Variants in KCNQ1 observed in about 807,000 individuals in gnomAD.
The protein encoded by KCNQ1 is potassium voltage-gated channel subfamily KQT member 1.
Under a neutral mutation model 72.4 loss-of-function variants are expected in KCNQ1, and 49 were observed. That is an observed-to-expected ratio of 0.68 (90% confidence interval 0.54 to 0.86). KCNQ1 has a LOEUF of 0.86. KCNQ1 is among the 40% of genes least tolerant of loss of function. KCNQ1 has a pLI of 0.00. For synonymous variants in KCNQ1, 450 were observed against 412.6 expected (o/e 1.09, Z -1.10); for missense variants, 790 against 945.1 (o/e 0.84, Z 2.15).
chr11:2,551,883 C>T (rs2133694783), intron 2 of KCNQ1, among the ~76,000 whole-genome samples: 1 of 152,358 alleles, frequency 6.6e-6, no homozygotes, highest in East Asian at 1.9e-4. Context: ...TCATATATCT[C>T]CTTTGATGGA....
At chr11:2,638,517 G>T (rs1317892639) in intron 10 of KCNQ1, 1 of 152,120 alleles carries the variant, frequency 6.6e-6, no homozygotes, top group Admixed American at 6.6e-5. Flanking sequence ...CTCTCTTCTG[G>T]CTTGTAGAGT....
At chr11:2,596,520 A>G (rs1848735029) in intron 10 of KCNQ1, among the ~76,000 whole-genome samples, 1 of 152,164 alleles carries the variant, frequency 6.6e-6, no homozygotes. Context: ...AATACAAAGG[A>G]ATGAACCACT....
In KCNQ1 at chr11:2,704,224, A is replaced by G. The variant is rs1213558576; in HGVS notation, c.1514+42143A>G. On this transcript the variant is annotated intron_variant, in intron 11 of 15. Coordinates refer to ENST00000155840, the MANE Select transcript of KCNQ1 (RefSeq NM_000218.3). This position sits in a 1 kb window ranked among gnomAD's most constrained non-coding sequence, Gnocchi z 4.3. ...TAGGTTTCTGCTGACCCTGCAGCCC[A>G]TGTCCTTGTTCCAGAATCTTCCGCC... 6.6e-6 allele frequency among the ~76,000 whole-genome samples: 1 copy of G among 152,152 alleles called. No individual in the cohort carries two copies. The highest frequency in any genetic ancestry group is 1.5e-5 in the Non-Finnish European group (1 of 68,012).
chr11:2,769,042 C>T lies in KCNQ1; in HGVS notation c.1590+123C>T. On this transcript the variant is annotated intron_variant, in intron 12 of 15. Transcript: ENST00000155840. The surrounding 1 kb of genome is among the most constrained non-coding windows in gnomAD (Gnocchi z 4.6). Reference sequence around the variant, plus strand: ...GGGTGTCAAGGCCTCCGCCCCCAAGCCACACAGGCAGGCCTATCTGAGACC... The same window carrying T: ...GGGTGTCAAGGCCTCCGCCCCCAAGTCACACAGGCAGGCCTATCTGAGACC... The T allele has an allele frequency of 2.4e-6, 2 of 837,654 alleles. No homozygotes were observed. Among genetic ancestry groups the T allele is most frequent in the South Asian group, 1.4e-5 (1 of 70,794 alleles). 51.9% of individuals were successfully genotyped at this position (837,654 alleles called of 1,614,324 possible).
rs1434937652 is a variant in KCNQ1, at chr11:2,559,872, T to C, written c.478-10756T>C. Among the ~76,000 whole-genome samples the C allele has an allele frequency of 1.3e-5, 2 of 151,710 alleles. No homozygotes were observed. On this transcript the variant is annotated intron_variant, in intron 2 of 15. Coordinates refer to ENST00000155840, the MANE Select transcript of KCNQ1 (RefSeq NM_000218.3). This position sits in a 1 kb window ranked among gnomAD's most constrained non-coding sequence, Gnocchi z 4.9. ...CTCCCTCTCTGTCTCTGGGGTCCCA[T>C]GGGAAGTCAGGGTGGGGCCTGGTGT...
rs1272935165 is a variant in KCNQ1, at chr11:2,543,989, C to G, written c.477+15971C>G. 6.6e-6 allele frequency among the ~76,000 whole-genome samples: 1 copy of G among 152,126 alleles called. No homozygotes were observed. Among genetic ancestry groups the G allele is most frequent in the Admixed American group, 6.6e-5 (1 of 15,262 alleles). ...AGTCACACACTGGGATTGTTACAGCCCTATAATACGGTTAAAATAAGTTAG... is the reference window on the plus strand; with the variant it reads ...AGTCACACACTGGGATTGTTACAGCGCTATAATACGGTTAAAATAAGTTAG... On this transcript the variant is annotated intron_variant, in intron 2 of 15. Coordinates refer to ENST00000155840, the MANE Select transcript of KCNQ1 (RefSeq NM_000218.3). This position sits in a 1 kb window ranked among gnomAD's most constrained non-coding sequence, Gnocchi z 5.6.
intron 11 of KCNQ1, among the ~76,000 whole-genome samples, chr11:2,727,978 C>T (rs1246660902): frequency 6.6e-6 from 1 of 152,074 alleles, no homozygotes; most frequent in East Asian, 1.9e-4. Context: ...AAAATCTAAC[C>T]CTCTTACCCT....
Position 2,496,495 on chromosome 11 carries a change from C to CTTTTTTTTTTTTTTTTTTTTT in KCNQ1, c.387-31428_387-31408dup. Among the ~76,000 whole-genome samples the CTTTTTTTTTTTTTTTTTTTTT allele has an allele frequency of 1.3e-3, 40 of 29,844 alleles. 10 individuals carry two copies. The highest frequency in any genetic ancestry group is 2.8e-3 in the Admixed American group (4 of 1,438). The allele number at this position is 29,844 out of a possible 152,430, so 19.6% of individuals were successfully genotyped here. A position where few individuals can be genotyped will look rare whatever the true frequency, so the allele number is the denominator to read the frequency against. On this transcript the variant is annotated intron_variant, in intron 1 of 15. Transcript: ENST00000155840. ...AAAATGGCTAGGATCACAACCCCTG[C>CTTTTTTTTTTTTTTTTTTTTT]TTTTTTTTTTTTTTTTTTTTTTTTT...
At chr11:2,529,694 GT>G (rs2133653601) in intron 2 of KCNQ1, among the ~76,000 whole-genome samples, 1 of 152,316 alleles carries the variant, frequency 6.6e-6, no homozygotes, top group African/African-American at 2.4e-5. Flanking sequence ...GGTCGTAGAA[GT>G]TTTTCCCTCT....
chr11:2,802,604 A>ATGG (rs1564898953), intron 15 of KCNQ1, among the ~76,000 whole-genome samples: 254 of 152,224 alleles, frequency 1.7e-3, no homozygotes, highest in African/African-American at 6.0e-3. Context: ...CTGGGTCCCC[A>ATGG]GGGTATAGGG....
chr11:2,677,797 T>C lies in KCNQ1; in HGVS notation c.1514+15716T>C. 1 of 398,596 alleles carries C rather than the reference T, an allele frequency of 2.5e-6. No individual in the cohort carries two copies. The highest frequency in any genetic ancestry group is 4.4e-6 in the Non-Finnish European group (1 of 226,044). 24.7% of individuals were successfully genotyped at this position (398,596 alleles called of 1,614,324 possible). A position where few individuals can be genotyped will look rare whatever the true frequency, so the allele number is the denominator to read the frequency against. ...CCCTTTCCCCCCATTTCCAGCAGGA[T>C]TAAAATGTTCATTTATGTTGTGATA... is the stretch of plus-strand genomic sequence containing the variant. On this transcript the variant is annotated intron_variant, in intron 11 of 15. Coordinates refer to ENST00000155840, the MANE Select transcript of KCNQ1 (RefSeq NM_000218.3). The surrounding 1 kb of genome is among the most constrained non-coding windows in gnomAD (Gnocchi z 4.5).
chr11:2,718,799 C>T (rs1007162344), intron 11 of KCNQ1, among the ~76,000 whole-genome samples: 1 of 152,236 alleles, frequency 6.6e-6, no homozygotes, highest in African/African-American at 2.4e-5. Flanking sequence ...CCATCAGCAT[C>T]CAGGTGCCCA....
chr11:2,540,744 C>T (rs1165171792), intron 2 of KCNQ1, among the ~76,000 whole-genome samples: 1 of 152,212 alleles, frequency 6.6e-6, no homozygotes, highest in Middle Eastern at 3.2e-3. Flanking sequence ...AGCTTTGTGC[C>T]CTCTAGGGTG....
At chr11:2,792,599 T>G (rs1474066821) in intron 15 of KCNQ1, among the ~76,000 whole-genome samples, 1 of 152,174 alleles carries the variant, frequency 6.6e-6, no homozygotes, top group Non-Finnish European at 1.5e-5. Flanking sequence ...CCTATGGATA[T>G]CTAGAGGAAG....
intron 2 of KCNQ1, among the ~76,000 whole-genome samples, chr11:2,533,841 CACTCA>C (rs1847682508): frequency 6.6e-6 from 1 of 152,208 alleles, no homozygotes. Context: ...AAGAGAGAGG[CACTCA>C]AAAGCACAAC....
At chr11:2,667,585 G>T in intron 11 of KCNQ1, 1 of 398,348 alleles carries the variant, frequency 2.5e-6, no homozygotes, top group Non-Finnish European at 4.4e-6. Flanking sequence ...GGGGGTCGGG[G>T]CGGGGTTGGG....
intron 11 of KCNQ1, among the ~76,000 whole-genome samples, chr11:2,722,833 C>T (rs1338493750): frequency 6.6e-6 from 1 of 152,170 alleles, no homozygotes; most frequent in East Asian, 1.9e-4. Context: ...CCAACTGACA[C>T]CAGGGCCCTG....
rs192523893 is a variant in KCNQ1, at chr11:2,652,303, T to C, written c.1394-9658T>C. 205 of 398,658 alleles carry C rather than the reference T, an allele frequency of 5.1e-4. No individual in the cohort carries two copies. The highest frequency in any genetic ancestry group is 7.0e-4 in the Non-Finnish European group (159 of 226,072). 24.7% of individuals were successfully genotyped at this position (398,658 alleles called of 1,614,324 possible). On this transcript the variant is annotated intron_variant, in intron 10 of 15. Coordinates refer to ENST00000155840, the MANE Select transcript of KCNQ1 (RefSeq NM_000218.3). The surrounding 1 kb of genome is among the most constrained non-coding windows in gnomAD (Gnocchi z 5.9). ...GTTTCCAAGGCTTCTCCCTCACTAA[T>C]TGCTTTGATTATTGTGTGAAGTTAA...
rs537834843 is a variant in KCNQ1 at position 2,781,621 on chromosome 11, C to G, written c.1794+3584C>G. On this transcript the variant is annotated intron_variant, in intron 15 of 15. Transcript: ENST00000155840. The surrounding 1 kb of genome is among the most constrained non-coding windows in gnomAD (Gnocchi z 6.6). ...ATTCTGAGGAATCGATGGCAGAGGC[C>G]GCTCCAGCCCTCCTCCCCCAGCAAG... is the stretch of plus-strand genomic sequence containing the variant. 2.6e-5 allele frequency among the ~76,000 whole-genome samples: 4 copies of G among 152,196 alleles called. No individual in the cohort carries two copies. The highest frequency in any genetic ancestry group is 9.7e-5 in the African/African-American group (4 of 41,450).
Sources: allele counts gnomAD v4.1 joint callset (sites outside exome capture counted in the v4.1 genomes callset), GRCh38; gene constraint gnomAD v4.1.1; non-coding constraint Gnocchi (gnomAD v3.1); transcripts MANE v1.5; gene names NCBI Gene and HGNC (gene_info 2026-07-23, HGNC 2026-07-21).